Variants in MYO9A observed in about 807,000 individuals in gnomAD.
MYO9A encodes myosin IXA.
Under a neutral mutation model 293.3 loss-of-function variants are expected in MYO9A, and 103 were observed. The ratio of observed to expected loss-of-function variants is 0.35; its 90% CI spans 0.30 to 0.41. The LOEUF is 0.41. Ranked by LOEUF, MYO9A falls within the 10% of genes least tolerant of loss-of-function variation. MYO9A has a pLI of 1.00. For synonymous variants in MYO9A, 1,001 were observed against 1,035.7 expected, an observed-to-expected ratio of 0.97 and a Z score of 0.64; for missense variants, 2,685 against 3,033.0, an observed-to-expected ratio of 0.89 and a Z score of 2.69.
chr15:71,961,660 A>T (rs1290407328), intron 13 of MYO9A, among the ~76,000 whole-genome samples: 1 of 152,206 alleles, frequency 6.6e-6, no homozygotes, highest in African/African-American at 2.4e-5. Context: ...ATTCACTCAT[A>T]ACCAAATGGA....
At position 71,898,806 on chromosome 15, in the gene MYO9A, T is replaced by C. The variant is rs2057404701; in HGVS notation, c.3697A>G (p.Lys1233Glu). 6.2e-7 allele frequency: 1 copy of C among 1,614,210 alleles called. No homozygotes were observed. The highest frequency in any genetic ancestry group is 2.2e-5 in the East Asian group (1 of 44,882). Residue 1233 changes from lysine (K) to glutamate (E), a missense_variant, in exon 25 of 42, where the codon AAG becomes GAG. This residue lies in a region of MYO9A where 1,434 missense variants were observed against 1,497.7 expected (regional missense o/e 0.96). Transcript: ENST00000356056. ...SVDCLKESPN[K>E]QQERAQSQSG... ...TGGCTTTGGGCTCTCTCCTGCTGCT[T>C]GTTTGGTGACTCCTTCAAGCAGTCC...
intron 1 of MYO9A, among the ~76,000 whole-genome samples, chr15:72,068,080 T>G (rs868127079): frequency 6.6e-6 from 1 of 152,194 alleles, no homozygotes; most frequent in Admixed American, 6.5e-5. Flanking sequence ...GATTTCCTTT[T>G]ACTAGTTTAA....
chr15:71,864,679 A>G (rs190826562), intron 32 of MYO9A, among the ~76,000 whole-genome samples: 1 of 152,336 alleles, frequency 6.6e-6, no homozygotes, highest in Non-Finnish European at 1.5e-5. Flanking sequence ...GATAAACACA[A>G]TGATATAGAT....
chr15:71,850,061 C>T lies in MYO9A; in HGVS notation c.6688G>A (p.Val2230Ile), dbSNP rs540399150. The change falls in exon 38 of 42, where the codon GTA becomes ATA. Residue 2230 changes from valine (V) to isoleucine (I), a missense_variant. Transcript: ENST00000356056. The stretch of plus-strand genomic sequence containing the variant: ...GTGGTAGTCTTACTGATGTCCTGTA[C>T]ACTTTGTAGTGGGTCAGTGGTGTCA... Reference protein sequence around the residue: ...CPDTTDPLQSVQDISKTTTCV... With the variant: ...CPDTTDPLQSIQDISKTTTCV... 130 of 1,613,850 alleles carry T rather than the reference C, an allele frequency of 8.1e-5. No individual in the cohort carries two copies. The highest frequency in any genetic ancestry group is 1.1e-4 in the Non-Finnish European group (127 of 1,179,912).
chr15:71,832,660 C>T (rs945520193), intron 39 of MYO9A, among the ~76,000 whole-genome samples: 10 of 152,104 alleles, frequency 6.6e-5, no homozygotes, highest in Non-Finnish European at 1.2e-4. Context: ...AGAGGAGAAT[C>T]TCACACCAGC....
intron 1 of MYO9A, among the ~76,000 whole-genome samples, chr15:72,060,540 C>T (rs1342175427): frequency 6.6e-6 from 1 of 152,142 alleles, no homozygotes. Context: ...GGAGAGATAG[C>T]ACAGAGATTG....
rs1384666014 is a variant in MYO9A at position 72,077,766 on chromosome 15, T to A, written c.-71-31132A>T. The stretch of plus-strand genomic sequence containing the variant: ...AAAAAAAAAAAAATATATATATATA[T>A]ATATATATATATATAAACACATAAA... On this transcript the variant is annotated intron_variant, in intron 1 of 41. Coordinates refer to ENST00000356056, the MANE Select transcript of MYO9A (RefSeq NM_006901.4). Among the ~76,000 whole-genome samples the A allele has an allele frequency of 9.3e-4, 128 of 137,264 alleles. 1 individual carries two copies. Among genetic ancestry groups the A allele is most frequent in the South Asian group, 2.8e-3 (12 of 4,358 alleles). 90.1% of individuals were successfully genotyped at this position (137,264 alleles called of 152,430 possible). A position where few individuals can be genotyped will look rare whatever the true frequency, so the allele number is the denominator to read the frequency against.
chr15:71,828,477 T>C (rs1225018229), intron 40 of MYO9A, among the ~76,000 whole-genome samples: 3 of 152,214 alleles, frequency 2.0e-5, no homozygotes, highest in Non-Finnish European at 4.4e-5. Context: ...TCCATGAAGC[T>C]TACTAACTGG....
intron 38 of MYO9A, among the ~76,000 whole-genome samples, chr15:71,849,595 T>C (rs1302597278): frequency 6.6e-6 from 1 of 151,988 alleles, no homozygotes; most frequent in Non-Finnish European, 1.5e-5. Context: ...AAGTTCCTTT[T>C]GCAGTCAAGA....
At chr15:71,971,017 C>T (rs1045683424) in intron 12 of MYO9A, among the ~76,000 whole-genome samples, 1 of 151,812 alleles carries the variant, frequency 6.6e-6, no homozygotes, top group African/African-American at 2.4e-5. Flanking sequence ...AAAAATTAGC[C>T]GGGCATGGGG....
At chr15:72,106,653 T>G (rs1231290219) in intron 1 of MYO9A, among the ~76,000 whole-genome samples, 1 of 152,084 alleles carries the variant, frequency 6.6e-6, no homozygotes. Flanking sequence ...CAGGTTGGAG[T>G]GCAGCAGCGC....
intron 41 of MYO9A, 68 bp from the exon 42 acceptor site, chr15:71,827,111 T>G: frequency 8.5e-7 from 1 of 1,175,134 alleles, no homozygotes; most frequent in Non-Finnish European, 1.2e-6. Flanking sequence ...ATATAATGAA[T>G]AGATGCCACT....
At chr15:72,053,675 G>A (rs376928252) in intron 1 of MYO9A, among the ~76,000 whole-genome samples, 1 of 152,134 alleles carries the variant, frequency 6.6e-6, no homozygotes, top group Non-Finnish European at 1.5e-5. Context: ...GAAGGAAGGC[G>A]AGGATCGAAA....
intron 14 of MYO9A, among the ~76,000 whole-genome samples, chr15:71,956,515 G>A (rs973240681): frequency 2.5e-4 from 37 of 149,530 alleles, no homozygotes; most frequent in Non-Finnish European, 3.9e-4. Context: ...GCATGGTGAC[G>A]AGTGCCTGTA....
chr15:72,074,950 C>T lies in MYO9A; in HGVS notation c.-71-28316G>A, dbSNP rs1387699825. 1.3e-4 allele frequency among the ~76,000 whole-genome samples: 9 copies of T among 71,688 alleles called. No individual in the cohort carries two copies. In the East Asian group the frequency reaches 4.7e-3, roughly 37 times the overall value. 47.0% of individuals were successfully genotyped at this position (71,688 alleles called of 152,430 possible). On this transcript the variant is annotated intron_variant, in intron 1 of 41. Transcript: ENST00000356056. ...GCAGTTAGAAATTTCATTTTCACTG[C>T]CTTTTTTTTTTTTTTTTTTTTTTTT...
At chr15:72,054,430 TG>T (rs920531616) in intron 1 of MYO9A, among the ~76,000 whole-genome samples, 2 of 152,030 alleles carry the variant, frequency 1.3e-5, no homozygotes, top group African/African-American at 4.8e-5. Flanking sequence ...CCCAGCACTC[TG>T]GGGGGCCGAG....
intron 11 of MYO9A, among the ~76,000 whole-genome samples, chr15:71,986,571 G>A (rs555598629): frequency 2.0e-5 from 3 of 152,244 alleles, no homozygotes; most frequent in South Asian, 4.1e-4. Context: ...CTGACCCTGT[G>A]TAGGCCTATG....
chr15:71,948,192 A>G (rs968357115), intron 15 of MYO9A, among the ~76,000 whole-genome samples: 3 of 152,222 alleles, frequency 2.0e-5, no homozygotes, highest in African/African-American at 7.2e-5. Flanking sequence ...CATATTTTAA[A>G]CCACCAAAAT....
At chr15:71,926,038 T>C (rs1346568046) in intron 18 of MYO9A, among the ~76,000 whole-genome samples, 1 of 152,200 alleles carries the variant, frequency 6.6e-6, no homozygotes, top group Admixed American at 6.5e-5. Flanking sequence ...GAAGACATTT[T>C]CTGTAGATGG....
Sources: allele counts gnomAD v4.1 joint callset (sites outside exome capture counted in the v4.1 genomes callset), GRCh38; gene constraint gnomAD v4.1.1; regional missense constraint gnomAD v4.1.1; transcripts MANE v1.5; gene names NCBI Gene and HGNC (gene_info 2026-07-23, HGNC 2026-07-21).